Variants in CCDC141 observed in about 807,000 individuals in gnomAD.
The protein encoded by CCDC141 is coiled-coil domain containing 141.
CCDC141 carries 168 observed loss-of-function variants against 181.0 expected under a neutral mutation model. The observed-to-expected ratio is 0.93, with a 90% confidence interval of 0.82 to 1.05. CCDC141 has a LOEUF of 1.05. Among genes scored for constraint, CCDC141 ranks in the 50% least tolerant of loss-of-function variants. The probability of loss-of-function intolerance (pLI) is 0.00; values close to 1 mark genes in which losing one functional copy is unlikely to be tolerated. For missense variants in CCDC141, 1,902 were observed against 1,788.5 expected (o/e 1.06, Z -1.14); for synonymous variants, 666 against 642.3 (o/e 1.04, Z -0.56).
chr2:178,979,558 A>G (rs1691274587), intron 2 of CCDC141, among the ~76,000 whole-genome samples: 1 of 152,182 alleles, frequency 6.6e-6, no homozygotes, highest in Admixed American at 6.5e-5. Flanking sequence ...TGAGGAAAAA[A>G]AGGCAACAAA....
At chr2:179,047,703 G>C (rs948619189) in intron 1 of CCDC141, among the ~76,000 whole-genome samples, 9 of 152,108 alleles carry the variant, frequency 5.9e-5, no homozygotes, top group African/African-American at 2.2e-4. Context: ...AATGGATTAC[G>C]TATTATTGAA....
the CCDC141 span, among the ~76,000 whole-genome samples, chr2:178,824,653 G>A: frequency 2.1e-5 from 3 of 140,680 alleles, no homozygotes; most frequent in African/African-American, 7.9e-5. Flanking sequence ...AAAGTCAGCT[G>A]CAACTGAGGA....
At chr2:178,835,214 G>A (rs931875972) in intron 23 of CCDC141, among the ~76,000 whole-genome samples, 1 of 152,080 alleles carries the variant, frequency 6.6e-6, no homozygotes, top group Non-Finnish European at 1.5e-5. Context: ...GTATCCACAG[G>A]ACAATACAGA....
intron 17 of CCDC141, among the ~76,000 whole-genome samples, chr2:178,862,283 T>C (rs1370299095): frequency 6.6e-6 from 1 of 152,238 alleles, no homozygotes; most frequent in Admixed American, 6.5e-5. Flanking sequence ...CTGGAAGTTC[T>C]ATGTGGAAAA....
intron 20 of CCDC141, 28 bp downstream of exon 20, chr2:178,853,413 T>C: frequency 6.2e-7 from 1 of 1,606,028 alleles, no homozygotes; most frequent in Non-Finnish European, 8.5e-7. Flanking sequence ...CAATGGCCAA[T>C]CACTGGATAT....
At chr2:178,900,910 G>C (rs185967530) in intron 8 of CCDC141, among the ~76,000 whole-genome samples, 2 of 152,188 alleles carry the variant, frequency 1.3e-5, no homozygotes, top group African/African-American at 2.4e-5. Flanking sequence ...TGATCTGTTA[G>C]AGAAGGAAAA....
At chr2:178,858,804 T>C (rs979581989) in intron 17 of CCDC141, among the ~76,000 whole-genome samples, 3 of 152,142 alleles carry the variant, frequency 2.0e-5, no homozygotes, top group African/African-American at 4.8e-5. Context: ...CAGAAAACCT[T>C]AGTCTAGAGA....
intron 2 of CCDC141, among the ~76,000 whole-genome samples, chr2:179,004,422 A>C (rs1056112070): frequency 6.6e-6 from 1 of 152,220 alleles, no homozygotes; most frequent in African/African-American, 2.4e-5. Context: ...ACAAATGATC[A>C]ATTTTTAAGA....
At chr2:178,937,166 GC>G (rs1689325284) in intron 6 of CCDC141, among the ~76,000 whole-genome samples, 1 of 152,072 alleles carries the variant, frequency 6.6e-6, no homozygotes, top group African/African-American at 2.4e-5. Flanking sequence ...CTTGTCTTAT[GC>G]CAGTTTTCAA....
intron 6 of CCDC141, among the ~76,000 whole-genome samples, chr2:178,941,346 T>C (rs890063586): frequency 6.6e-6 from 1 of 152,200 alleles, no homozygotes; most frequent in African/African-American, 2.4e-5. Context: ...TCTAACCCCA[T>C]ATGATTCGGA....
At chr2:178,892,781 C>T (rs1468429341) in intron 8 of CCDC141, among the ~76,000 whole-genome samples, 1 of 152,166 alleles carries the variant, frequency 6.6e-6, no homozygotes, top group Admixed American at 6.6e-5. Context: ...GAAATGAGTC[C>T]TATTACTTTA....
Position 178,831,314 on chromosome 2 carries a change from T to G in CCDC141, c.*2859A>C, listed in dbSNP as rs1260580325. ...ATGAAAACTTAAAAACATTTTGTTTTGCAGTTCTTCAAAGTATCAAGTATT... is the reference window on the plus strand; with the variant it reads ...ATGAAAACTTAAAAACATTTTGTTTGGCAGTTCTTCAAAGTATCAAGTATT... On this transcript the variant is annotated 3_prime_UTR_variant, in exon 24 of 24. Coordinates refer to ENST00000443758, the MANE Select transcript of CCDC141 (RefSeq NM_173648.4). 1.3e-5 allele frequency: 2 copies of G among 152,110 alleles called. No homozygotes were observed. Among genetic ancestry groups the G allele is most frequent in the African/African-American group, 4.8e-5 (2 of 41,438 alleles). 9.4% of individuals were successfully genotyped at this position (152,110 alleles called of 1,614,324 possible).
chr2:178,979,950 C>A (rs1453908793), intron 2 of CCDC141, among the ~76,000 whole-genome samples: 2 of 152,022 alleles, frequency 1.3e-5, no homozygotes, highest in Non-Finnish European at 2.9e-5. Flanking sequence ...TAGTATTAGA[C>A]AACTTGTTTT....
At chr2:178,822,017 T>A in the CCDC141 span, among the ~76,000 whole-genome samples, 381 of 152,216 alleles carry the variant, frequency 2.5e-3, 5 homozygotes, top group African/African-American at 8.4e-3. Flanking sequence ...CAAATGTCCA[T>A]CAATGATAGA....
the CCDC141 span, among the ~76,000 whole-genome samples, chr2:178,821,845 G>A: frequency 6.6e-6 from 1 of 152,318 alleles, no homozygotes; most frequent in African/African-American, 2.4e-5. Flanking sequence ...GTGGAAGACT[G>A]TGGTGATTCC....
intron 9 of CCDC141, among the ~76,000 whole-genome samples, chr2:178,888,138 T>C (rs1451376121): frequency 6.6e-6 from 1 of 152,208 alleles, no homozygotes; most frequent in Non-Finnish European, 1.5e-5. Context: ...TATGTATCAA[T>C]CTATCTACCT....
chr2:178,939,701 G>A (rs1205085169), intron 6 of CCDC141, among the ~76,000 whole-genome samples: 1 of 152,026 alleles, frequency 6.6e-6, no homozygotes, highest in Non-Finnish European at 1.5e-5. Context: ...TAAAAGTAAG[G>A]TCCAGAATCT....
intron 16 of CCDC141, 68 bp from the exon 17 acceptor site, chr2:178,865,984 C>T (rs1384364024): frequency 3.2e-5 from 39 of 1,228,956 alleles, no homozygotes; most frequent in Non-Finnish European, 4.0e-5. Flanking sequence ...AGGCTATTTA[C>T]CTGAATTATG....
chr2:179,039,429 C>A (rs928948627), intron 2 of CCDC141, among the ~76,000 whole-genome samples: 1 of 152,010 alleles, frequency 6.6e-6, no homozygotes, highest in Non-Finnish European at 1.5e-5. Flanking sequence ...AATAATTATG[C>A]CACTTTTTCT....
Sources: gnomAD v4.1 joint callset for allele counts (sites outside exome capture counted in the v4.1 genomes callset) on GRCh38, gnomAD v4.1.1 for gene constraint, MANE v1.5 for transcripts, NCBI Gene and HGNC (gene_info 2026-07-23, HGNC 2026-07-21) for gene names.